METTL9: variants seen among roughly 807,000 people sequenced by gnomAD.
The protein encoded by METTL9 is protein-L-histidine N-pros-methyltransferase.
A neutral mutation model predicts 36.0 loss-of-function variants in METTL9; 10 were observed. The observed-to-expected ratio is 0.28, with a 90% CI of 0.17 to 0.47. METTL9 has a LOEUF of 0.47. Ranked by LOEUF, METTL9 falls within the 20% of genes least tolerant of loss-of-function variation. The probability of loss-of-function intolerance (pLI) is 0.99; values close to 1 mark genes in which losing one functional copy is unlikely to be tolerated. For synonymous variants in METTL9, 175 were observed against 149.7 expected (o/e 1.17, Z -1.23); for missense variants, 246 against 383.5 (o/e 0.64, Z 3.00).
chr16:21,605,984 A>G (rs554017325), intron 1 of METTL9, among the ~76,000 whole-genome samples: 1 of 151,988 alleles, frequency 6.6e-6, no homozygotes, highest in African/African-American at 2.4e-5. Flanking sequence ...AGTTCCCACA[A>G]CTCTACCTTC....
At chr16:21,623,988 C>T (rs1407305555) in intron 3 of METTL9, among the ~76,000 whole-genome samples, 1 of 152,154 alleles carries the variant, frequency 6.6e-6, no homozygotes, top group Non-Finnish European at 1.5e-5. Flanking sequence ...CCTGGATGGT[C>T]TCAATCTCCT....
At position 21,599,839 on chromosome 16, in the gene METTL9, A is replaced by C; in HGVS notation, c.106A>C (p.Met36Leu). 6.5e-7 allele frequency: 1 copy of C among 1,530,410 alleles called. No homozygotes were observed. The highest frequency in any genetic ancestry group is 8.7e-7 in the Non-Finnish European group (1 of 1,145,394). 94.8% of individuals were successfully genotyped at this position (1,530,410 alleles called of 1,614,324 possible). ...SPLTRSLYVN[M>L]TSGPGGPAAA... ...GCTCACCCGCTCCCTGTACGTGAAC[A>C]TGACTAGCGGCCCGGGTGGGCCGGC... Residue 36 changes from methionine (M) to leucine (L), a missense_variant, in exon 1 of 5, where the codon ATG becomes CTG. This residue lies in a region of METTL9 where 100 missense variants were observed against 81.4 expected (regional missense o/e 1.23). Coordinates refer to ENST00000358154, the MANE Select transcript of METTL9 (RefSeq NM_016025.5). The surrounding 1 kb of genome is among the most constrained non-coding windows in gnomAD (Gnocchi z 4.4).
At chr16:21,597,279 G>C (rs769847180), upstream of METTL9, 1 of 1,288,888 alleles carries the variant, frequency 7.8e-7, no homozygotes, top group African/African-American at 1.5e-5. Context: ...CCACGAGCTG[G>C]GATACCAAGT....
chr16:21,599,796 G>A lies in METTL9; in HGVS notation c.63G>A (p.Met21Ile). 6.5e-7 allele frequency: 1 copy of A among 1,550,324 alleles called. No homozygotes were observed. The change falls in exon 1 of 5, where the codon ATG (methionine) becomes ATA (isoleucine). Residue 21 changes from methionine to isoleucine, a missense_variant. Met to Ile is a conservative substitution (Grantham distance 10). Coordinates refer to ENST00000358154, the MANE Select transcript of METTL9 (RefSeq NM_016025.5). This position sits in a 1 kb window ranked among gnomAD's most constrained non-coding sequence, Gnocchi z 4.4. ...SLASVWLARRMWTLRSPLTRS... is the reference protein window; with the variant it reads ...SLASVWLARRIWTLRSPLTRS... ...CGTCCGTGTGGCTGGCGCGGAGGAT[G>A]TGGACGCTGCGGAGCCCGCTCACCC...
At chr16:21,640,596 CAAAAAAAA>C (rs368761095) in intron 4 of METTL9, 1 of 65,586 alleles carries the variant, frequency 1.5e-5, no homozygotes, top group African/African-American at 4.5e-5. Flanking sequence ...ACTAAAAATA[CAAAAAAAA>C]AAAAAAAAAA....
intron 4 of METTL9, among the ~76,000 whole-genome samples, chr16:21,630,162 C>T (rs1460183789): frequency 1.3e-5 from 2 of 152,250 alleles, no homozygotes; most frequent in Admixed American, 6.5e-5. Context: ...CTTCACCTCT[C>T]AATGGCACTG....
At position 21,643,396 on chromosome 16, in the gene METTL9, A is replaced by G. The variant is rs961415225; in HGVS notation, c.752-11831A>G. The G allele has an allele frequency of 3.7e-5, 23 of 627,770 alleles. No homozygotes were observed. The African/African-American group carries it at 3.9e-4, about 11-fold the overall frequency. 38.9% of individuals were successfully genotyped at this position (627,770 alleles called of 1,614,324 possible). A position where few individuals can be genotyped will look rare whatever the true frequency, so the allele number is the denominator to read the frequency against. On this transcript the variant is annotated intron_variant, in intron 4 of 4. Transcript: ENST00000358154. ...AGATTATTTTGTCATTGAGTTTCTC[A>G]ACAATAGGAAATAGTGTCTGCAGTT...
intron 3 of METTL9, among the ~76,000 whole-genome samples, 169 bp from the exon 4 acceptor site, chr16:21,624,762 G>A (rs1455854306): frequency 1.3e-5 from 2 of 151,746 alleles, no homozygotes; most frequent in Non-Finnish European, 2.9e-5. Context: ...AAAAATGGTT[G>A]CTATTTTTCT....
upstream of METTL9, chr16:21,599,435 C>T: frequency 8.8e-7 from 1 of 1,130,664 alleles, no homozygotes; most frequent in South Asian, 3.4e-5. This position sits in a 1 kb window ranked among gnomAD's most constrained non-coding sequence, Gnocchi z 4.4. Flanking sequence ...CAGCGGCCCG[C>T]TCATTGGACG....
chr16:21,629,152 A>G (rs1306747090), intron 4 of METTL9, among the ~76,000 whole-genome samples: 2 of 151,902 alleles, frequency 1.3e-5, no homozygotes, highest in Non-Finnish European at 2.9e-5. Flanking sequence ...CAGTCTCCCA[A>G]AGTGCTGTGA....
rs3046231 is a variant in METTL9, at chr16:21,605,257, C to CTTTTTTTTTTTTTTTTTTTT, written c.165+5379_165+5398dup. Reference sequence around the variant, plus strand: ...GGGGTGGTAAAAATAGGCTTGCCTTCTTTTTTTTTTTTTTTTTTTTTTTTT... The same window carrying CTTTTTTTTTTTTTTTTTTTT: ...GGGGTGGTAAAAATAGGCTTGCCTTCTTTTTTTTTTTTTTTTTTTTTTTTTTTTTTTTTTTTTTTTTTTTT... On this transcript the variant is annotated intron_variant, in intron 1 of 4. Transcript: ENST00000358154. Among the ~76,000 whole-genome samples, 32 of 51,232 alleles carry CTTTTTTTTTTTTTTTTTTTT rather than the reference C, an allele frequency of 6.2e-4. 6 individuals carry two copies. The highest frequency in any genetic ancestry group is 8.8e-4 in the Admixed American group (3 of 3,400). The allele number at this position is 51,232 out of a possible 152,430, so 33.6% of individuals were successfully genotyped here. A position where few individuals can be genotyped will look rare whatever the true frequency, so the allele number is the denominator to read the frequency against.
intron 4 of METTL9, chr16:21,640,028 TC>T: frequency 6.6e-6 from 1 of 152,134 alleles, no homozygotes; most frequent in Non-Finnish European, 1.5e-5. Context: ...AACCTCCGCA[TC>T]CTGGGTTCAA....
At chr16:21,614,572 C>T (rs1253235365) in intron 2 of METTL9, among the ~76,000 whole-genome samples, 1 of 152,180 alleles carries the variant, frequency 6.6e-6, no homozygotes, top group Non-Finnish European at 1.5e-5. Flanking sequence ...GTCCCATTCT[C>T]AGCTAAAAAC....
At chr16:21,602,067 C>T (rs755355025) in intron 1 of METTL9, among the ~76,000 whole-genome samples, 5 of 152,066 alleles carry the variant, frequency 3.3e-5, no homozygotes, top group African/African-American at 7.2e-5. Flanking sequence ...CTTATAACTT[C>T]GTTGCTTGTG....
In METTL9 at chr16:21,644,426, T is replaced by G. The variant is rs773074233; in HGVS notation, c.752-10801T>G. ...ATGACAAAAACAGAAAGAAGCACATTGACTATTAAAGCCTATTCTTTCAAA... is the reference window on the plus strand; with the variant it reads ...ATGACAAAAACAGAAAGAAGCACATGGACTATTAAAGCCTATTCTTTCAAA... On this transcript the variant is annotated intron_variant, in intron 4 of 4. Coordinates refer to ENST00000358154, the MANE Select transcript of METTL9 (RefSeq NM_016025.5). The G allele has an allele frequency of 4.1e-6, 6 of 1,471,112 alleles. No individual in the cohort carries two copies. The Admixed American group carries it at 8.4e-5, about 21-fold the overall frequency. The allele number at this position is 1,471,112 out of a possible 1,614,324, so 91.1% of individuals were successfully genotyped here. A position where few individuals can be genotyped will look rare whatever the true frequency, so the allele number is the denominator to read the frequency against.
intron 1 of METTL9, among the ~76,000 whole-genome samples, chr16:21,603,807 C>T (rs1161813511): frequency 6.6e-6 from 1 of 152,090 alleles, no homozygotes; most frequent in African/African-American, 2.4e-5. Flanking sequence ...TTTAAAAGCA[C>T]AGATAACATT....
At chr16:21,645,677 G>GC (rs927488568) in intron 4 of METTL9, among the ~76,000 whole-genome samples, 1 of 152,098 alleles carries the variant, frequency 6.6e-6, no homozygotes, top group African/African-American at 2.4e-5. Flanking sequence ...CTTTATATAA[G>GC]CCTTGCAGCT....
chr16:21,614,995 T>A lies in METTL9; in HGVS notation c.356+2160T>A, dbSNP rs373030600. On this transcript the variant is annotated intron_variant, in intron 2 of 4. Coordinates refer to ENST00000358154, the MANE Select transcript of METTL9 (RefSeq NM_016025.5). Reference sequence around the variant, plus strand: ...ACTGCCCCCCACACTGCAGGAAGTCTAACTTTTCTGGCCTTGCCCACTAAA... The same window carrying A: ...ACTGCCCCCCACACTGCAGGAAGTCAAACTTTTCTGGCCTTGCCCACTAAA... 2.6e-5 allele frequency among the ~76,000 whole-genome samples: 4 copies of A among 152,258 alleles called. No homozygotes were observed. The South Asian group carries it at 6.2e-4, about 24-fold the overall frequency.
At chr16:21,636,507 C>A (rs1183946815) in intron 4 of METTL9, among the ~76,000 whole-genome samples, 1 of 152,140 alleles carries the variant, frequency 6.6e-6, no homozygotes, top group Non-Finnish European at 1.5e-5. Flanking sequence ...GGCGTTAGGA[C>A]CCAGGAGGCA....
Sources: gnomAD v4.1 joint callset for allele counts (sites outside exome capture counted in the v4.1 genomes callset) on GRCh38, gnomAD v4.1.1 for gene constraint, gnomAD v4.1.1 regional missense constraint, Gnocchi (gnomAD v3.1) non-coding constraint, MANE v1.5 for transcripts, NCBI Gene and HGNC (gene_info 2026-07-23, HGNC 2026-07-21) for gene names.